Variants in NUCB2 observed in about 807,000 individuals in gnomAD.
NUCB2 encodes nucleobindin 2.
Under a neutral mutation model 57.9 loss-of-function variants are expected in NUCB2, and 48 were observed. That is an observed-to-expected ratio of 0.83 (90% CI 0.66 to 1.05). The LOEUF (loss-of-function observed/expected upper bound fraction) is 1.05. Ranked by LOEUF, NUCB2 falls within the 50% of genes least tolerant of loss-of-function variation. NUCB2 has a pLI of 0.00. For synonymous variants in NUCB2, 139 were observed against 152.1 expected (o/e 0.91, Z 0.64); for missense variants, 442 against 476.2 (o/e 0.93, Z 0.67).
At chr11:17,285,165 T>G (rs182293611) in intron 2 of NUCB2, among the ~76,000 whole-genome samples, 1 of 151,870 alleles carries the variant, frequency 6.6e-6, no homozygotes, top group Non-Finnish European at 1.5e-5. Context: ...CGGTGGCTCA[T>G]GCCTGTAATC....
intron 2 of NUCB2, among the ~76,000 whole-genome samples, chr11:17,284,222 T>C (rs1352890181): frequency 6.6e-6 from 1 of 152,132 alleles, no homozygotes; most frequent in Non-Finnish European, 1.5e-5. Flanking sequence ...CTCACCATGT[T>C]GGCCAGGGTG....
chr11:17,311,443 C>A (rs1053676776), intron 8 of NUCB2, among the ~76,000 whole-genome samples, 160 bp downstream of exon 8: 6 of 152,126 alleles, frequency 3.9e-5, no homozygotes, highest in Admixed American at 2.0e-4. Flanking sequence ...TGCTCACCTG[C>A]AGTATAAAAT....
downstream of NUCB2, among the ~76,000 whole-genome samples, chr11:17,335,058 T>C (rs1237335958): frequency 6.6e-6 from 1 of 152,158 alleles, no homozygotes; most frequent in Non-Finnish European, 1.5e-5. Flanking sequence ...AGAAAAGTTA[T>C]ATACAGCTTT....
At chr11:17,323,565 CAG>C (rs1256640909) in intron 11 of NUCB2, among the ~76,000 whole-genome samples, 1 of 152,160 alleles carries the variant, frequency 6.6e-6, no homozygotes, top group Non-Finnish European at 1.5e-5. Flanking sequence ...GTTTTGGTAT[CAG>C]GGTAGTACGA....
At chr11:17,283,132 A>G (rs909632697) in intron 2 of NUCB2, among the ~76,000 whole-genome samples, 189 bp downstream of exon 2, 1 of 152,244 alleles carries the variant, frequency 6.6e-6, no homozygotes, top group Non-Finnish European at 1.5e-5. Flanking sequence ...TAAAGTCATC[A>G]GAGACTTAAG....
At chr11:17,283,895 C>G (rs1158011438) in intron 2 of NUCB2, among the ~76,000 whole-genome samples, 1 of 152,172 alleles carries the variant, frequency 6.6e-6, no homozygotes, top group African/African-American at 2.4e-5. Flanking sequence ...TCCTTGCTAG[C>G]TAAAAGTAGT....
intron 2 of NUCB2, among the ~76,000 whole-genome samples, chr11:17,285,627 C>A (rs2138039790): frequency 6.7e-6 from 1 of 150,304 alleles, no homozygotes; most frequent in East Asian, 2.0e-4. Context: ...ACCTGTAGTC[C>A]CAGCTACTCA....
At chr11:17,315,020 T>G (rs1025147084) in intron 10 of NUCB2, among the ~76,000 whole-genome samples, 1 of 152,170 alleles carries the variant, frequency 6.6e-6, no homozygotes, top group African/African-American at 2.4e-5. Context: ...GAATGGTTCT[T>G]TTTCTTACCC....
chr11:17,294,348 G>T (rs1033111424), intron 2 of NUCB2, among the ~76,000 whole-genome samples: 3 of 152,162 alleles, frequency 2.0e-5, no homozygotes, highest in African/African-American at 7.2e-5. Flanking sequence ...TCTGCTTTCA[G>T]ATGATCTTGT....
rs117210015 is a variant in NUCB2 at position 17,296,601 on chromosome 11, C to T, written c.252+390C>T. Among the ~76,000 whole-genome samples, 62 of 152,102 alleles carry T rather than the reference C, an allele frequency of 4.1e-4. No individual in the cohort carries two copies. In the East Asian group the frequency reaches 0.011, roughly 26 times the overall value. The stretch of plus-strand genomic sequence containing the variant: ...TGGGGCGAGGTGGGAAGTTATTCTT[C>T]CTAATAGAGATTATGCCAGAGCTTA... On this transcript the variant is annotated intron_variant, in intron 4 of 13. Transcript: ENST00000529010.
intron 4 of NUCB2, among the ~76,000 whole-genome samples, chr11:17,301,262 C>T (rs1412449187): frequency 1.4e-5 from 2 of 144,050 alleles, no homozygotes; most frequent in Non-Finnish European, 3.0e-5. Context: ...CGTGAGCCAC[C>T]GCGCCTGGCC....
chr11:17,290,903 A>T (rs1190380477), intron 2 of NUCB2, among the ~76,000 whole-genome samples: 15 of 152,060 alleles, frequency 9.9e-5, no homozygotes, highest in Admixed American at 8.5e-4. Context: ...TACTCCTTTT[A>T]AAAAAATTGA....
chr11:17,347,558 C>A (rs2139689135), intron 2 of NUCB2, among the ~76,000 whole-genome samples: 1 of 152,252 alleles, frequency 6.6e-6, no homozygotes, highest in Non-Finnish European at 1.5e-5. Flanking sequence ...TTAATCATAA[C>A]CATCATATAA....
intron 2 of NUCB2, among the ~76,000 whole-genome samples, chr11:17,344,306 G>A (rs1460048750): frequency 6.6e-6 from 1 of 152,156 alleles, no homozygotes; most frequent in Non-Finnish European, 1.5e-5. Flanking sequence ...GTTAATACAG[G>A]AAGAAACATC....
At chr11:17,335,613 G>T (rs1038021009), downstream of NUCB2, among the ~76,000 whole-genome samples, 3 of 151,884 alleles carry the variant, frequency 2.0e-5, no homozygotes, top group East Asian at 1.9e-4. Flanking sequence ...GCGATTCTCC[G>T]GCCTTAGCCT....
intron 10 of NUCB2, 136 bp from the exon 11 acceptor site, chr11:17,315,250 C>T (rs1949062380): frequency 6.4e-6 from 3 of 469,366 alleles, no homozygotes; most frequent in South Asian, 5.8e-5. Context: ...TTTTTTTCCT[C>T]CAGTTTCTGT....
exon 2 of NUCB2, chr11:17,337,384 C>CA (rs1157374797): frequency 2.6e-5 from 4 of 152,158 alleles, no homozygotes; most frequent in Non-Finnish European, 5.9e-5. Context: ...GAAAAACAGT[C>CA]AGAGTTAGAT....
chr11:17,349,013 C>G (rs1236315887), intron 2 of NUCB2, among the ~76,000 whole-genome samples: 1 of 152,138 alleles, frequency 6.6e-6, no homozygotes, highest in African/African-American at 2.4e-5. Context: ...CTCCTGACCT[C>G]AGGTGATCCA....
At position 17,288,956 on chromosome 11, in the gene NUCB2, TA is replaced by T. The variant is rs1344004233; in HGVS notation, c.-1+6014del. Among the ~76,000 whole-genome samples, 545 of 77,572 alleles carry T rather than the reference TA, an allele frequency of 7.0e-3. 63 individuals carry two copies. Among genetic ancestry groups the T allele is most frequent in the South Asian group, 9.1e-3 (22 of 2,426 alleles). 50.9% of individuals were successfully genotyped at this position (77,572 alleles called of 152,430 possible). ...ACACACACACACACACACACATATA[TA>T]TATATATTTTTTTTTTTTGAGATGG... is the stretch of plus-strand genomic sequence containing the variant. On this transcript the variant is annotated intron_variant, in intron 2 of 13. Transcript: ENST00000529010.
Sources: allele counts gnomAD v4.1 joint callset (sites outside exome capture counted in the v4.1 genomes callset), GRCh38; gene constraint gnomAD v4.1.1; transcripts MANE v1.5; gene names NCBI Gene and HGNC (gene_info 2026-07-23, HGNC 2026-07-21).